FAM178B: variants seen among roughly 807,000 people sequenced by gnomAD.
FAM178B encodes the protein protein FAM178B.
FAM178B carries 82 observed loss-of-function variants against 91.7 expected under a neutral mutation model. That is an observed-to-expected ratio of 0.89 (90% CI 0.75 to 1.07). FAM178B has a LOEUF of 1.07. Ranked by LOEUF, FAM178B falls within the 50% of genes least tolerant of loss-of-function variation. The pLI is 0.00. For synonymous variants in FAM178B, 368 were observed against 359.4 expected, an observed-to-expected ratio of 1.02 and a Z score of -0.27; for missense variants, 769 against 846.7, an observed-to-expected ratio of 0.91 and a Z score of 1.14.
At chr2:96,876,841 G>A (rs911645721) in intron 16 of FAM178B, among the ~76,000 whole-genome samples, 4 of 152,092 alleles carry the variant, frequency 2.6e-5, no homozygotes, top group South Asian at 2.1e-4. Flanking sequence ...AGGAGACCCC[G>A]AGCCAGCCCA....
Position 96,986,399 on chromosome 2 carries a change from G to A in FAM178B, c.-86C>T. ...AGGACGGGGCCAGCTAGCCGGGAAA[G>A]GAAGCAGGAGCAGGCTCCCCAGGCG... is the stretch of plus-strand genomic sequence containing the variant. On this transcript the variant is annotated 5_prime_UTR_variant, in exon 1 of 17. Coordinates refer to ENST00000490605, the MANE Select transcript of FAM178B (RefSeq NM_001122646.3). 3 of 1,464,666 alleles carry A rather than the reference G, an allele frequency of 2.0e-6. No individual in the cohort carries two copies. Among genetic ancestry groups the A allele is most frequent in the African/African-American group, 1.4e-5 (1 of 70,442 alleles). The allele number at this position is 1,464,666 out of a possible 1,614,324, so 90.7% of individuals were successfully genotyped here.
intron 4 of FAM178B, among the ~76,000 whole-genome samples, chr2:96,968,246 TTC>T (rs754493268): frequency 6.6e-6 from 1 of 151,938 alleles, no homozygotes; most frequent in Non-Finnish European, 1.5e-5. Flanking sequence ...CTCATTCCCT[TTC>T]TCTCTTTAGC....
At chr2:96,946,377 C>T (rs890584692) in intron 8 of FAM178B, among the ~76,000 whole-genome samples, 6 of 152,176 alleles carry the variant, frequency 3.9e-5, no homozygotes, top group Admixed American at 1.3e-4. Context: ...AACCTGGGTA[C>T]GCAACTATCT....
At chr2:96,878,132 G>T in intron 15 of FAM178B, 90 bp from the exon 16 acceptor site, 1 of 1,395,914 alleles carries the variant, frequency 7.2e-7, no homozygotes, top group South Asian at 1.2e-5. Context: ...TCAGAGAAAG[G>T]AAGGGGCACA....
chr2:96,915,349 C>A (rs2081224747), intron 12 of FAM178B, among the ~76,000 whole-genome samples: 2 of 150,934 alleles, frequency 1.3e-5, no homozygotes. Context: ...AACTCCTGAC[C>A]TCAAGTTATC....
At chr2:96,950,294 A>ACT (rs1249868608) in intron 7 of FAM178B, among the ~76,000 whole-genome samples, 2 of 151,984 alleles carry the variant, frequency 1.3e-5, no homozygotes, top group Non-Finnish European at 2.9e-5. Context: ...GTTCCCCATT[A>ACT]CTCACCCACT....
Position 96,972,579 on chromosome 2 carries a change from G to A in FAM178B, c.101C>T (p.Ala34Val), listed in dbSNP as rs1253964155. ...TGQMSHGLQM[A>V]GPQETVLALP... is the part of the protein sequence containing the mutation. ...GGCTAGCACCGTCTCCTGGGGCCCA[G>A]CCATCTGCAAGCCGTGGGACATCTG... The change falls in exon 2 of 17, where the codon GCT becomes GTT. Residue 34 changes from alanine (A) to valine (V), a missense_variant. Transcript: ENST00000490605. 6.4e-7 allele frequency: 1 copy of A among 1,551,660 alleles called. No individual in the cohort carries two copies. The highest frequency in any genetic ancestry group is 1.7e-4 in the Middle Eastern group (1 of 5,992).
chr2:96,950,654 G>C (rs1368036772), intron 7 of FAM178B, among the ~76,000 whole-genome samples: 1 of 152,224 alleles, frequency 6.6e-6, no homozygotes, highest in Non-Finnish European at 1.5e-5. Flanking sequence ...CTGGCATTCA[G>C]ATCACAGCGG....
At position 96,961,847 on chromosome 2, in the gene FAM178B, A is replaced by G. The variant is rs376861208; in HGVS notation, c.735-1407T>C. Among the ~76,000 whole-genome samples, 3 of 152,298 alleles carry G rather than the reference A, an allele frequency of 2.0e-5. No individual in the cohort carries two copies. In the South Asian group the frequency reaches 6.2e-4, roughly 32 times the overall value. ...GTGGTCCTGAGAATGAAATGGCACAACAAATGGGAACGATGCTGCAGACCC... is the reference window on the plus strand; with the variant it reads ...GTGGTCCTGAGAATGAAATGGCACAGCAAATGGGAACGATGCTGCAGACCC... On this transcript the variant is annotated intron_variant, in intron 5 of 16. Coordinates refer to ENST00000490605, the MANE Select transcript of FAM178B (RefSeq NM_001122646.3).
chr2:96,943,345 T>C (rs1245973876), intron 8 of FAM178B, among the ~76,000 whole-genome samples: 1 of 152,250 alleles, frequency 6.6e-6, no homozygotes, highest in Non-Finnish European at 1.5e-5. Context: ...ATTTGCCTAT[T>C]CTGGACATTT....
intron 7 of FAM178B, chr2:96,950,034 T>C: frequency 2.0e-6 from 2 of 985,778 alleles, no homozygotes; most frequent in Non-Finnish European, 1.2e-6. Flanking sequence ...CCTCGCAGCA[T>C]GATGGAGACG....
intron 13 of FAM178B, chr2:96,895,147 C>T: frequency 2.3e-6 from 3 of 1,283,642 alleles, no homozygotes; most frequent in Non-Finnish European, 3.0e-6. Context: ...CTTTTCCTTC[C>T]AGGGGATTTT....
chr2:96,972,224 G>T lies in FAM178B; in HGVS notation c.241C>A (p.Arg81=). ...LDQGPRCPAR[R]PCSPASAPAP... is the part of the protein sequence containing the mutation. ...GGAGCCGAGGCAGGGCTGCAGGGCCGCCGGGCAGGGCAGCGGGGCCCCTGG... is the reference window on the plus strand; with the variant it reads ...GGAGCCGAGGCAGGGCTGCAGGGCCTCCGGGCAGGGCAGCGGGGCCCCTGG... Residue 81 remains arginine, a synonymous_variant, in exon 3 of 17, where the codon CGG becomes AGG. Coordinates refer to ENST00000490605, the MANE Select transcript of FAM178B (RefSeq NM_001122646.3). The T allele has an allele frequency of 6.5e-7, 1 of 1,538,014 alleles. No homozygotes were observed. Among genetic ancestry groups the T allele is most frequent in the Non-Finnish European group, 8.8e-7 (1 of 1,141,264 alleles).
chr2:96,883,805 A>C (rs898032537), intron 14 of FAM178B, among the ~76,000 whole-genome samples: 2 of 152,160 alleles, frequency 1.3e-5, no homozygotes, highest in African/African-American at 4.8e-5. Flanking sequence ...GGGTACCAGG[A>C]GCCAGGGGGG....
chr2:96,983,274 CAT>C (rs2082385252), intron 1 of FAM178B, among the ~76,000 whole-genome samples: 1 of 152,088 alleles, frequency 6.6e-6, no homozygotes, highest in Non-Finnish European at 1.5e-5. Flanking sequence ...TATATATACA[CAT>C]ATACATACAT....
rs558867160 is a variant in FAM178B, at chr2:96,977,452, ATT to A, written c.74-4848_74-4847del. ...ACGTGAACGACCGTGCCTTTTGGGA[ATT>A]TTTTTTTTTTTTTTTTGGTGGGGAG... On this transcript the variant is annotated intron_variant, in intron 1 of 16. Transcript: ENST00000490605. Among the ~76,000 whole-genome samples the A allele has an allele frequency of 1.0e-3, 138 of 135,344 alleles. 1 individual carries two copies. The highest frequency in any genetic ancestry group is 3.1e-3 in the African/African-American group (114 of 37,036). 88.8% of individuals were successfully genotyped at this position (135,344 alleles called of 152,430 possible).
chr2:96,974,870 C>T lies in FAM178B; in HGVS notation c.74-2264G>A, dbSNP rs575739409. On this transcript the variant is annotated intron_variant, in intron 1 of 16. Transcript: ENST00000490605. The stretch of plus-strand genomic sequence containing the variant: ...TTTGGGAGGCCGAGGCGGGCGTTAT[C>T]ACTTGAGGTCAAGAGTTCGAGACCA... 2.6e-5 allele frequency among the ~76,000 whole-genome samples: 4 copies of T among 152,004 alleles called. No homozygotes were observed. The East Asian group carries it at 7.7e-4, about 29-fold the overall frequency.
chr2:96,914,038 T>G (rs1205694772), intron 12 of FAM178B, among the ~76,000 whole-genome samples: 1 of 152,246 alleles, frequency 6.6e-6, no homozygotes, highest in Non-Finnish European at 1.5e-5. Context: ...CTTTTACTTA[T>G]TTGCCAAATA....
chr2:96,878,905 CCTGGACAGT>C (rs1482959253), intron 14 of FAM178B, among the ~76,000 whole-genome samples: 1 of 152,240 alleles, frequency 6.6e-6, no homozygotes, highest in Non-Finnish European at 1.5e-5. Flanking sequence ...GTGCAGCCTG[CCTGGACAGT>C]CGCCTTGCTG....
Sources: allele counts gnomAD v4.1 joint callset (sites outside exome capture counted in the v4.1 genomes callset), GRCh38; gene constraint gnomAD v4.1.1; transcripts MANE v1.5; gene names NCBI Gene and HGNC (gene_info 2026-07-23, HGNC 2026-07-21).